The following MPND variants were observed in gnomAD, a reference collection of about 807,000 sequenced individuals.
The protein encoded by MPND is MPN domain-containing protein.
MPND carries 56 observed loss-of-function variants against 59.2 expected under a neutral mutation model. The ratio of observed to expected loss-of-function variants is 0.95; its 90% CI spans 0.76 to 1.18. The LOEUF (loss-of-function observed/expected upper bound fraction) is 1.18. Among genes scored for constraint, MPND ranks in the 50% most tolerant of loss-of-function variants. MPND has a pLI of 0.00. For missense variants in MPND, 671 were observed against 676.0 expected, an observed-to-expected ratio of 0.99 and a Z score of 0.08; for synonymous variants, 323 against 291.9, an observed-to-expected ratio of 1.11 and a Z score of -1.09.
At chr19:4,348,485 T>C (rs1046160943) in intron 3 of MPND, 1 of 151,958 alleles carries the variant, frequency 6.6e-6, no homozygotes, top group Non-Finnish European at 1.5e-5. Context: ...GTTCTCAAAC[T>C]CCTGACCTCG....
chr19:4,347,529 G>A (rs555054811), intron 3 of MPND, among the ~76,000 whole-genome samples: 30 of 151,858 alleles, frequency 2.0e-4, no homozygotes, highest in African/African-American at 5.8e-4. Flanking sequence ...GTGAGCCACC[G>A]CGCCCAGCTG....
chr19:4,355,874 T>G (rs10420217), intron 8 of MPND, among the ~76,000 whole-genome samples: 11 of 138,220 alleles, frequency 8.0e-5, no homozygotes, highest in Non-Finnish European at 1.7e-4. Context: ...TTTTTTTTCT[T>G]GAGACATTCT....
Position 4,345,743 on chromosome 19 carries a change from A to G in MPND, c.295-2A>G, listed in dbSNP as rs1276203473. 1 of 1,613,564 alleles carries G rather than the reference A, an allele frequency of 6.2e-7. No homozygotes were observed. The highest frequency in any genetic ancestry group is 8.5e-7 in the Non-Finnish European group (1 of 1,179,824). The stretch of plus-strand genomic sequence containing the variant: ...GGCCCAGCCAGCTGACTGTCACTGC[A>G]GGGGAAGAAGTTCCTGGGCGACCTG... On this transcript the variant is annotated splice_acceptor_variant, in intron 2 of 12. Coordinates refer to ENST00000599840, the MANE Select transcript of MPND (RefSeq NM_001300862.2). LOFTEE classifies it high-confidence loss of function.
At position 4,344,804 on chromosome 19, in the gene MPND, T is replaced by C. The variant is rs563184758; in HGVS notation, c.294+810T>C. 2.0e-5 allele frequency among the ~76,000 whole-genome samples: 3 copies of C among 149,766 alleles called. No individual in the cohort carries two copies. The South Asian group carries it at 6.4e-4, about 32-fold the overall frequency. Reference sequence around the variant, plus strand: ...CCCAGGCTGGAATGCAGTTGCTCGATCTCGGCTCACTGCAACCTCTGCCTC... The same window carrying C: ...CCCAGGCTGGAATGCAGTTGCTCGACCTCGGCTCACTGCAACCTCTGCCTC... On this transcript the variant is annotated intron_variant, in intron 2 of 12. Coordinates refer to ENST00000599840, the MANE Select transcript of MPND (RefSeq NM_001300862.2).
rs1972348031 is a variant in MPND, at chr19:4,352,795, C to T, written c.532-102C>T. 8 of 1,218,982 alleles carry T rather than the reference C, an allele frequency of 6.6e-6. No individual in the cohort carries two copies. In the East Asian group the frequency reaches 1.2e-4, roughly 18 times the overall value. The allele number at this position is 1,218,982 out of a possible 1,614,324, so 75.5% of individuals were successfully genotyped here. A position where few individuals can be genotyped will look rare whatever the true frequency, so the allele number is the denominator to read the frequency against. On this transcript the variant is annotated intron_variant, in intron 3 of 12. Coordinates refer to ENST00000599840, the MANE Select transcript of MPND (RefSeq NM_001300862.2). ...CTCTAGTGGTCATGTGGGGCAATGG[C>T]ACTTACGGCTTAGGCCAAAGGGCTG...
intron 11 of MPND, 64 bp from the exon 12 acceptor site, chr19:4,359,099 G>C: frequency 8.9e-7 from 1 of 1,120,230 alleles, no homozygotes; most frequent in Admixed American, 1.8e-5. Context: ...GGAACCCCAG[G>C]AGAGGCGCTG....
intron 10 of MPND, 49 bp downstream of exon 10, chr19:4,357,634 A>G (rs1251576490): frequency 6.4e-7 from 1 of 1,558,188 alleles, no homozygotes; most frequent in East Asian, 2.3e-5. Context: ...GCACTGGGGC[A>G]TTTGGGTCAC....
intron 3 of MPND, 89 bp downstream of exon 3, chr19:4,346,070 AT>A: frequency 9.1e-7 from 1 of 1,095,752 alleles, no homozygotes; most frequent in Non-Finnish European, 1.3e-6. Context: ...CGGAGGAGGT[AT>A]TAGTAATATA....
At chr19:4,357,677 C>T in intron 10 of MPND, 92 bp downstream of exon 10, 2 of 1,324,454 alleles carry the variant, frequency 1.5e-6, no homozygotes, top group Non-Finnish European at 2.1e-6. Context: ...CCAGGCTCCA[C>T]TGGAGAGTTG....
chr19:4,352,969 T>A lies in MPND; in HGVS notation c.604T>A (p.Ser202Thr). 7.2e-7 allele frequency: 1 copy of A among 1,388,648 alleles called. No homozygotes were observed. 86.0% of individuals were successfully genotyped at this position (1,388,648 alleles called of 1,614,324 possible). The change falls in exon 4 of 13, where the codon TCA becomes ACA. Residue 202 changes from serine to threonine, a missense_variant. By Grantham distance (58) the Ser-to-Thr change is moderately conservative. Coordinates refer to ENST00000599840, the MANE Select transcript of MPND (RefSeq NM_001300862.2). ...EEEEDVLAGV[S>T]AEDKSRRPLG... ...GGAGGAGGACGTTCTGGCAGGGGTC[T>A]CAGCAGAGGACAAGAGTCGGAGACC...
Position 4,343,934 on chromosome 19 carries a change from G to A in MPND, c.234G>A (p.Arg78=). The change falls in exon 2 of 13, where the codon CGG becomes CGA. Residue 78 remains arginine, a synonymous_variant. Coordinates refer to ENST00000599840, the MANE Select transcript of MPND (RefSeq NM_001300862.2). ...TCACCAGGCGCGCGGTCACACTGCG[G>A]GTGCTCCTCAAAGACGCGCTGCTGG... The part of the protein sequence containing the change: ...GALTRRAVTL[R]VLLKDALLEP... 7.3e-7 allele frequency: 1 copy of A among 1,369,922 alleles called. No individual in the cohort carries two copies. The highest frequency in any genetic ancestry group is 3.0e-5 in the East Asian group (1 of 32,826). 84.9% of individuals were successfully genotyped at this position (1,369,922 alleles called of 1,614,324 possible). A position where few individuals can be genotyped will look rare whatever the true frequency, so the allele number is the denominator to read the frequency against.
intron 3 of MPND, 28 bp from the exon 4 acceptor site, chr19:4,352,869 C>A: frequency 7.5e-7 from 1 of 1,329,526 alleles, no homozygotes; most frequent in Non-Finnish European, 9.7e-7. Context: ...AGGGTCCCAC[C>A]GCTGTCCCTG....
chr19:4,356,646 TTTCC>T (rs1381559458), intron 8 of MPND: 1 of 151,922 alleles, frequency 6.6e-6, no homozygotes, highest in East Asian at 1.9e-4. Flanking sequence ...CTTTTTTTTT[TTTCC>T]TTTTCTTTGA....
At chr19:4,351,138 C>G (rs922913115) in intron 3 of MPND, among the ~76,000 whole-genome samples, 1 of 152,176 alleles carries the variant, frequency 6.6e-6, no homozygotes, top group Non-Finnish European at 1.5e-5. Context: ...GAGTCTCGCT[C>G]CGTCACCCAG....
intron 4 of MPND, chr19:4,353,826 GA>G: frequency 2.6e-5 from 13 of 497,386 alleles, no homozygotes; most frequent in South Asian, 1.5e-4. Context: ...GCTTCCCAGT[GA>G]AAAAAAATTT....
At chr19:4,357,657 G>C (rs1402024091) in intron 10 of MPND, 72 bp downstream of exon 10, 39 of 1,452,758 alleles carry the variant, frequency 2.7e-5, no homozygotes, top group Non-Finnish European at 3.3e-5. Context: ...CTAGGCAGGG[G>C]CCCCTGGTTC....
At chr19:4,353,179 G>A (rs1032962953) in intron 4 of MPND, 150 bp downstream of exon 4, 10 of 522,908 alleles carry the variant, frequency 1.9e-5, no homozygotes, top group African/African-American at 1.8e-4. Context: ...GGAGCCGGAC[G>A]AGGCCTGGGC....
intron 11 of MPND, 184 bp downstream of exon 11, chr19:4,358,356 C>CT: frequency 1.7e-6 from 1 of 595,100 alleles, no homozygotes; most frequent in South Asian, 2.0e-5. Context: ...CCTCCAACTT[C>CT]TGCCCTCCCT....
intron 3 of MPND, among the ~76,000 whole-genome samples, chr19:4,350,752 C>G (rs1243149403): frequency 6.6e-6 from 1 of 152,092 alleles, no homozygotes; most frequent in Non-Finnish European, 1.5e-5. Context: ...CATAGAGAGG[C>G]AGCTGGGCCC....
Sources: gnomAD v4.1 joint callset for allele counts (sites outside exome capture counted in the v4.1 genomes callset) on GRCh38, gnomAD v4.1.1 for gene constraint, MANE v1.5 for transcripts, NCBI Gene and HGNC (gene_info 2026-07-23, HGNC 2026-07-21) for gene names.